The following EPHA6 variants were observed in gnomAD, a reference collection of about 807,000 sequenced individuals.
EPHA6 encodes the protein ephrin type-A receptor 6.
Under a neutral mutation model 112.0 loss-of-function variants are expected in EPHA6, and 50 were observed. The observed-to-expected ratio is 0.45, with a 90% CI of 0.36 to 0.56. EPHA6 has a LOEUF of 0.56. Ranked by LOEUF, EPHA6 falls within the 20% of genes least tolerant of loss-of-function variation. The probability of loss-of-function intolerance (pLI) is 0.00; values close to 1 mark genes in which losing one functional copy is unlikely to be tolerated. For synonymous variants in EPHA6, 529 were observed against 490.7 expected, an observed-to-expected ratio of 1.08 and a Z score of -1.03; for missense variants, 1,280 against 1,417.4, an observed-to-expected ratio of 0.90 and a Z score of 1.56.
At chr3:97,534,521 T>A in intron 11 of EPHA6, among the ~76,000 whole-genome samples, 1 of 151,446 alleles carries the variant, frequency 6.6e-6, no homozygotes, top group African/African-American at 2.4e-5. Context: ...AATTATCTTA[T>A]TTGAATTGAA....
At chr3:97,746,631 C>A (rs992174154) in intron 16 of EPHA6, among the ~76,000 whole-genome samples, 36 of 151,742 alleles carry the variant, frequency 2.4e-4, no homozygotes, top group African/African-American at 8.4e-4. Context: ...CACATGTATA[C>A]CCTAGCCTTT....
At chr3:97,606,847 A>G (rs1485107048) in intron 12 of EPHA6, among the ~76,000 whole-genome samples, 1 of 151,174 alleles carries the variant, frequency 6.6e-6, no homozygotes, top group Non-Finnish European at 1.5e-5. Context: ...GTAGAAATAG[A>G]TTAAATAACT....
chr3:97,103,076 G>A (rs2047452098), intron 3 of EPHA6, among the ~76,000 whole-genome samples: 1 of 152,002 alleles, frequency 6.6e-6, no homozygotes, highest in Non-Finnish European at 1.5e-5. Flanking sequence ...CATTCTGTAG[G>A]TTGTCTGTTT....
chr3:97,357,903 G>T (rs921299465), intron 5 of EPHA6, among the ~76,000 whole-genome samples: 22 of 152,104 alleles, frequency 1.4e-4, no homozygotes, highest in Admixed American at 1.4e-3. Flanking sequence ...TCTTCATCTT[G>T]GTCAATTTCA....
At chr3:97,628,712 A>C (rs1032477232) in intron 13 of EPHA6, among the ~76,000 whole-genome samples, 1 of 152,002 alleles carries the variant, frequency 6.6e-6, no homozygotes, top group South Asian at 2.1e-4. Context: ...TCTTTTAAAT[A>C]TTTATGTACT....
At chr3:97,630,875 A>G (rs1231263333) in intron 13 of EPHA6, among the ~76,000 whole-genome samples, 1 of 151,968 alleles carries the variant, frequency 6.6e-6, no homozygotes, top group Non-Finnish European at 1.5e-5. Context: ...ATTGTGACAA[A>G]TCACATGTGG....
At chr3:96,841,686 A>C (rs1056964666) in intron 1 of EPHA6, among the ~76,000 whole-genome samples, 2 of 151,628 alleles carry the variant, frequency 1.3e-5, no homozygotes, top group African/African-American at 2.4e-5. Flanking sequence ...TTGAGAGAGA[A>C]ATCAAGATCT....
At chr3:97,517,003 A>G (rs1156271847) in intron 10 of EPHA6, among the ~76,000 whole-genome samples, 1 of 152,130 alleles carries the variant, frequency 6.6e-6, no homozygotes, top group Non-Finnish European at 1.5e-5. Flanking sequence ...TCAAGGCAGA[A>G]CAAACCATGT....
intron 12 of EPHA6, among the ~76,000 whole-genome samples, chr3:97,599,650 T>G (rs1417117940): frequency 1.3e-5 from 2 of 151,912 alleles, no homozygotes; most frequent in African/African-American, 2.4e-5. Flanking sequence ...ACCAGTACCA[T>G]GCTGTTTTGG....
Position 96,814,612 on chromosome 3 carries a change from A to C in EPHA6, c.-12A>C. 7.2e-7 allele frequency: 1 copy of C among 1,397,052 alleles called. No homozygotes were observed. The highest frequency in any genetic ancestry group is 1.5e-5 in the African/African-American group (1 of 67,840). 86.5% of individuals were successfully genotyped at this position (1,397,052 alleles called of 1,614,324 possible). On this transcript the variant is annotated 5_prime_UTR_variant, in exon 1 of 18. Transcript: ENST00000389672. ...AGTGAATAGTCCTCGCGCAAGCGGG[A>C]CACTGTGGTGGATGCAATTCCCCTC...
intron 5 of EPHA6, among the ~76,000 whole-genome samples, chr3:97,337,298 A>G (rs1003734067): frequency 2.6e-5 from 4 of 152,162 alleles, no homozygotes; most frequent in African/African-American, 7.2e-5. Flanking sequence ...ATTTTCAAAT[A>G]GTAAATTACA....
intron 14 of EPHA6, among the ~76,000 whole-genome samples, chr3:97,651,240 C>T (rs1303005557): frequency 1.3e-5 from 2 of 151,990 alleles, no homozygotes; most frequent in East Asian, 1.9e-4. Flanking sequence ...AATCACAACC[C>T]ACCAATCTGT....
intron 2 of EPHA6, among the ~76,000 whole-genome samples, chr3:96,968,275 T>C (rs1439147236): frequency 6.6e-6 from 1 of 151,688 alleles, no homozygotes; most frequent in African/African-American, 2.4e-5. Flanking sequence ...CTTAGTTCTG[T>C]GTCCTTTTAA....
chr3:97,659,542 C>T (rs1365855313), intron 14 of EPHA6, among the ~76,000 whole-genome samples: 1 of 151,910 alleles, frequency 6.6e-6, no homozygotes, highest in Non-Finnish European at 1.5e-5. Context: ...TCCTATACTT[C>T]ATAATCTAAT....
chr3:97,061,965 G>A (rs574401796), intron 3 of EPHA6, among the ~76,000 whole-genome samples: 3 of 152,320 alleles, frequency 2.0e-5, no homozygotes, highest in Admixed American at 1.3e-4. Context: ...TATAGTATGA[G>A]TGTGAGAAGA....
At chr3:97,015,588 A>G (rs1462684300) in intron 3 of EPHA6, among the ~76,000 whole-genome samples, 1 of 152,210 alleles carries the variant, frequency 6.6e-6, no homozygotes, top group African/African-American at 2.4e-5. Flanking sequence ...TATATACATG[A>G]TTACTTAAAA....
chr3:97,613,470 G>C lies in EPHA6; in HGVS notation c.2574+2616G>C, dbSNP rs574997346. The stretch of plus-strand genomic sequence containing the variant: ...CTGCTTCAATTTGTTATTTTATTAT[G>C]AAGGAGTGGTAGCACTACTAAGTAC... On this transcript the variant is annotated intron_variant, in intron 13 of 17. Transcript: ENST00000389672. Among the ~76,000 whole-genome samples the C allele has an allele frequency of 3.9e-5, 6 of 152,238 alleles. No homozygotes were observed. The East Asian group carries it at 7.7e-4, about 20-fold the overall frequency.
chr3:96,815,890 A>G (rs543554337), intron 1 of EPHA6, among the ~76,000 whole-genome samples: 1 of 152,298 alleles, frequency 6.6e-6, no homozygotes, highest in Admixed American at 6.5e-5. Flanking sequence ...GCATGAAACA[A>G]CCATAAAAGT....
At chr3:97,242,840 G>A (rs1024909952) in intron 4 of EPHA6, among the ~76,000 whole-genome samples, 2 of 151,496 alleles carry the variant, frequency 1.3e-5, no homozygotes, top group African/African-American at 4.8e-5. Context: ...TCTAAAATAT[G>A]GCGTGACTGT....
Sources: gnomAD v4.1 joint callset for allele counts (sites outside exome capture counted in the v4.1 genomes callset) on GRCh38, gnomAD v4.1.1 for gene constraint, MANE v1.5 for transcripts, NCBI Gene and HGNC (gene_info 2026-07-23, HGNC 2026-07-21) for gene names.